SNTG1: variants seen among roughly 807,000 people sequenced by gnomAD.
SNTG1 encodes syntrophin gamma 1, also known as gamma-1-syntrophin.
SNTG1 carries 39 observed loss-of-function variants against 74.7 expected under a neutral mutation model. The ratio of observed to expected loss-of-function variants is 0.52; its 90% confidence interval spans 0.40 to 0.68. SNTG1 has a LOEUF of 0.68. Among genes scored for constraint, SNTG1 ranks in the 30% least tolerant of loss-of-function variants. SNTG1 has a pLI of 0.00. For missense variants in SNTG1, 685 were observed against 609.5 expected (o/e 1.12, Z -1.30); for synonymous variants, 254 against 217.1 (o/e 1.17, Z -1.49).
chr8:50,759,660 G>GAT lies in SNTG1; in HGVS notation c.1395+7562_1395+7563dup, dbSNP rs746780583. On this transcript the variant is annotated intron_variant, in intron 18 of 18. Transcript: ENST00000642720. ...TTCTGAGGACTCATTCTGTTCCATT[G>GAT]ATATATATATATATTGGTACCATTG... Among the ~76,000 whole-genome samples the GAT allele has an allele frequency of 4.3e-3, 654 of 150,386 alleles. 13 individuals carry two copies. Among genetic ancestry groups the GAT allele is most frequent in the Non-Finnish European group, 1.4e-3 (96 of 67,462 alleles).
intron 15 of SNTG1, among the ~76,000 whole-genome samples, chr8:50,684,626 C>T (rs1368120672): frequency 2.6e-5 from 4 of 151,484 alleles, no homozygotes; most frequent in African/African-American, 9.7e-5. Context: ...ATGATAATTA[C>T]ATTCTACATA....
At chr8:50,345,544 T>A (rs1265766690) in intron 2 of SNTG1, among the ~76,000 whole-genome samples, 1 of 152,204 alleles carries the variant, frequency 6.6e-6, no homozygotes, top group African/African-American at 2.4e-5. Context: ...AGATAAAACA[T>A]GTAAAACATA....
At chr8:50,266,646 ATGTGTGTGTGTG>A (rs748153246) in intron 2 of SNTG1, among the ~76,000 whole-genome samples, 2 of 69,728 alleles carry the variant, frequency 2.9e-5, no homozygotes, top group South Asian at 5.8e-4. Flanking sequence ...ACACAGAATT[ATGTGTGTGTGTG>A]TGTGTGTGTG....
chr8:49,975,751 C>T (rs1390149057), intron 1 of SNTG1, among the ~76,000 whole-genome samples: 1 of 119,004 alleles, frequency 8.4e-6, no homozygotes, highest in Non-Finnish European at 1.8e-5. Flanking sequence ...GCAAGACTCA[C>T]AAAACATATA....
At chr8:50,628,085 T>C (rs1385103824) in intron 13 of SNTG1, among the ~76,000 whole-genome samples, 2 of 152,194 alleles carry the variant, frequency 1.3e-5, no homozygotes, top group Non-Finnish European at 2.9e-5. Context: ...AGTCATCTCA[T>C]GGAAACAAAG....
intron 8 of SNTG1, among the ~76,000 whole-genome samples, chr8:50,488,756 G>C (rs1182332487): frequency 6.6e-6 from 1 of 151,788 alleles, no homozygotes; most frequent in Non-Finnish European, 1.5e-5. Context: ...TCACTAAATA[G>C]TCATTAATAA....
intron 17 of SNTG1, among the ~76,000 whole-genome samples, chr8:50,733,604 A>T (rs897130085): frequency 9.2e-5 from 14 of 151,666 alleles, no homozygotes; most frequent in African/African-American, 2.9e-4. Flanking sequence ...TGTTTTTGAC[A>T]TTTTAATAAT....
chr8:50,671,542 C>T (rs920279658), intron 15 of SNTG1, among the ~76,000 whole-genome samples: 1 of 152,072 alleles, frequency 6.6e-6, no homozygotes, highest in Non-Finnish European at 1.5e-5. Context: ...AGTCAGGAAA[C>T]AACAGGTGCT....
At chr8:50,472,462 A>T (rs543300047) in intron 8 of SNTG1, among the ~76,000 whole-genome samples, 17 of 152,302 alleles carry the variant, frequency 1.1e-4, no homozygotes, top group African/African-American at 3.8e-4. Flanking sequence ...GGAAAACTGG[A>T]TATCTATATG....
At chr8:50,336,264 G>A (rs1587192921) in intron 2 of SNTG1, among the ~76,000 whole-genome samples, 1 of 152,148 alleles carries the variant, frequency 6.6e-6, no homozygotes, top group South Asian at 2.1e-4. Flanking sequence ...CTTTCCAATT[G>A]AAAAGATTTC....
At chr8:50,286,059 T>C (rs2088762294) in intron 2 of SNTG1, among the ~76,000 whole-genome samples, 1 of 152,140 alleles carries the variant, frequency 6.6e-6, no homozygotes, top group Non-Finnish European at 1.5e-5. Context: ...TATATACACA[T>C]GTTTTGGCGT....
intron 15 of SNTG1, among the ~76,000 whole-genome samples, chr8:50,690,437 G>C (rs900544508): frequency 6.6e-6 from 1 of 152,000 alleles, no homozygotes; most frequent in Non-Finnish European, 1.5e-5. Context: ...CAGAGTTTCT[G>C]GTATGTTGTG....
At chr8:50,321,893 T>C (rs1295541075) in intron 2 of SNTG1, among the ~76,000 whole-genome samples, 1 of 152,166 alleles carries the variant, frequency 6.6e-6, no homozygotes, top group Non-Finnish European at 1.5e-5. Flanking sequence ...TTTTACTGTC[T>C]ATGTCTTAAA....
At chr8:50,055,365 G>A (rs1053186950) in intron 1 of SNTG1, among the ~76,000 whole-genome samples, 17 of 151,998 alleles carry the variant, frequency 1.1e-4, no homozygotes, top group Non-Finnish European at 1.9e-4. Context: ...AAAAAAATCC[G>A]GTGATCAGTA....
intron 8 of SNTG1, among the ~76,000 whole-genome samples, chr8:50,454,866 C>T (rs948346444): frequency 1.4e-5 from 2 of 145,782 alleles, no homozygotes; most frequent in African/African-American, 5.1e-5. Flanking sequence ...TATCTGAGTG[C>T]CATCTATGTG....
intron 2 of SNTG1, among the ~76,000 whole-genome samples, chr8:50,199,508 C>T (rs144464156): frequency 1.5e-3 from 231 of 152,252 alleles, no homozygotes; most frequent in African/African-American, 5.1e-3. Context: ...TGAGCCACTG[C>T]GCCTGGCAGG....
intron 15 of SNTG1, among the ~76,000 whole-genome samples, chr8:50,664,618 C>A (rs1216587843): frequency 6.6e-6 from 1 of 152,112 alleles, no homozygotes; most frequent in Admixed American, 6.6e-5. Context: ...TCTCTGGGCA[C>A]CATGATCACC....
chr8:50,736,007 T>TA (rs2095527725), intron 17 of SNTG1, among the ~76,000 whole-genome samples: 1 of 152,092 alleles, frequency 6.6e-6, no homozygotes. Flanking sequence ...CAGAATTTCA[T>TA]ATCCAGCCAA....
intron 2 of SNTG1, among the ~76,000 whole-genome samples, chr8:50,248,024 C>T (rs1210333712): frequency 6.6e-6 from 1 of 152,104 alleles, no homozygotes; most frequent in Non-Finnish European, 1.5e-5. Context: ...CCCTGTGTCT[C>T]TTCACATCTT....
Sources: gnomAD v4.1 joint callset for allele counts (sites outside exome capture counted in the v4.1 genomes callset) on GRCh38, gnomAD v4.1.1 for gene constraint, MANE v1.5 for transcripts, NCBI Gene and HGNC (gene_info 2026-07-23, HGNC 2026-07-21) for gene names.